MAN1C1: variants seen among roughly 807,000 people sequenced by gnomAD.
MAN1C1 encodes the protein mannosyl-oligosaccharide 1,2-alpha-mannosidase IC.
In MAN1C1, 49 loss-of-function variants were observed where a neutral mutation model predicts 71.5. The ratio of observed to expected loss-of-function variants is 0.69; its 90% CI spans 0.54 to 0.87. MAN1C1 has a LOEUF of 0.87. MAN1C1 is among the 40% of genes least tolerant of loss of function. The pLI is 0.00. For synonymous variants in MAN1C1, 352 were observed against 343.7 expected (o/e 1.02, Z -0.27); for missense variants, 743 against 835.0 (o/e 0.89, Z 1.36).
intron 2 of MAN1C1, among the ~76,000 whole-genome samples, chr1:25,690,494 T>C (rs1401160532): frequency 1.3e-5 from 2 of 152,212 alleles, no homozygotes; most frequent in Non-Finnish European, 2.9e-5. Context: ...GGTTTCACCA[T>C]GTTGGTCAGG....
At chr1:25,670,704 T>C (rs1420266767) in intron 1 of MAN1C1, among the ~76,000 whole-genome samples, 1 of 152,188 alleles carries the variant, frequency 6.6e-6, no homozygotes, top group East Asian at 1.9e-4. Context: ...GCTTTCTGAA[T>C]CAGCCAGACC....
At chr1:25,664,797 C>T (rs1213800536) in intron 1 of MAN1C1, among the ~76,000 whole-genome samples, 1 of 152,210 alleles carries the variant, frequency 6.6e-6, no homozygotes, top group African/African-American at 2.4e-5. Flanking sequence ...GGGGCTGTGA[C>T]TCAAGGCACT....
intron 6 of MAN1C1, chr1:25,761,646 C>T (rs1431776078): frequency 1.4e-4 from 9 of 65,474 alleles, no homozygotes; most frequent in African/African-American, 4.1e-4. Flanking sequence ...TTTTTTGAGA[C>T]GGAGTCTCTC....
chr1:25,679,980 C>T (rs866137704), intron 1 of MAN1C1, among the ~76,000 whole-genome samples: 78 of 123,290 alleles, frequency 6.3e-4, no homozygotes, highest in African/African-American at 1.9e-3. Flanking sequence ...TATATATATA[C>T]ACACACACAC....
At chr1:25,685,018 A>C (rs1464701425) in intron 1 of MAN1C1, among the ~76,000 whole-genome samples, 2 of 152,224 alleles carry the variant, frequency 1.3e-5, no homozygotes, top group Admixed American at 1.3e-4. Flanking sequence ...GATGCAAGCT[A>C]ACATTTGAGA....
intron 2 of MAN1C1, among the ~76,000 whole-genome samples, chr1:25,717,510 G>A (rs2046696891): frequency 2.0e-5 from 3 of 151,956 alleles, no homozygotes; most frequent in African/African-American, 4.8e-5. Context: ...GCAACAGAGT[G>A]AGACCCTGTT....
chr1:25,765,909 A>T (rs1174086555), intron 7 of MAN1C1, among the ~76,000 whole-genome samples: 2 of 152,250 alleles, frequency 1.3e-5, no homozygotes, highest in Non-Finnish European at 2.9e-5. Flanking sequence ...TGCCGAATCC[A>T]AAAGTACGGG....
At chr1:25,623,284 T>G (rs2982299) in intron 1 of MAN1C1, among the ~76,000 whole-genome samples, 65,959 of 152,044 alleles carry the variant, frequency 0.43, 18,550 homozygotes, top group African/African-American at 0.78. Flanking sequence ...ACGTTGGTTG[T>G]GTCTCTGCTT....
At chr1:25,644,195 A>G in intron 1 of MAN1C1, among the ~76,000 whole-genome samples, 1 of 152,066 alleles carries the variant, frequency 6.6e-6, no homozygotes, top group Admixed American at 6.6e-5. Flanking sequence ...AAAGAATGGC[A>G]TTTCAGGAGA....
intron 1 of MAN1C1, among the ~76,000 whole-genome samples, chr1:25,656,724 G>C (rs888983152): frequency 3.9e-5 from 6 of 152,158 alleles, no homozygotes; most frequent in African/African-American, 1.2e-4. Context: ...GTTGGGTCCT[G>C]CCCAAGCTGG....
chr1:25,620,502 G>A (rs2045191087), intron 1 of MAN1C1, among the ~76,000 whole-genome samples: 3 of 152,148 alleles, frequency 2.0e-5, no homozygotes, highest in Admixed American at 1.3e-4. Context: ...CCCACCCCAG[G>A]AAGAACGCAT....
chr1:25,718,989 C>T (rs760058056), intron 2 of MAN1C1, among the ~76,000 whole-genome samples: 2 of 151,282 alleles, frequency 1.3e-5, no homozygotes, highest in Non-Finnish European at 2.9e-5. Context: ...AAAGAGGCTG[C>T]ACCATTTTAC....
At chr1:25,685,428 T>C (rs1375859457) in intron 1 of MAN1C1, among the ~76,000 whole-genome samples, 1 of 152,148 alleles carries the variant, frequency 6.6e-6, no homozygotes, top group East Asian at 1.9e-4. Context: ...AACTCTGCTG[T>C]GTTGTGCTCC....
At chr1:25,755,930 T>C (rs2047280217) in intron 5 of MAN1C1, among the ~76,000 whole-genome samples, 1 of 152,200 alleles carries the variant, frequency 6.6e-6, no homozygotes, top group African/African-American at 2.4e-5. Context: ...CCTCCTGGTC[T>C]CTGGGATGCT....
At chr1:25,676,159 G>C (rs1411167285) in intron 1 of MAN1C1, among the ~76,000 whole-genome samples, 1 of 152,212 alleles carries the variant, frequency 6.6e-6, no homozygotes, top group Non-Finnish European at 1.5e-5. Flanking sequence ...CTGCAGACAG[G>C]ATGCGATTCC....
At position 25,616,981 on chromosome 1, in the gene MAN1C1, A is replaced by T. The variant is rs2045107143; in HGVS notation, c.-817A>T. On this transcript the variant is annotated 5_prime_UTR_variant, in exon 1 of 12. Transcript: ENST00000374332. The surrounding 1 kb of genome is among the most constrained non-coding windows in gnomAD (Gnocchi z 5.6). ...GAGCCGGCGGGGCCGGGAACAGGTG[A>T]TCCCAGTGGGAGCCCCGCGCCCTGC... is the stretch of plus-strand genomic sequence containing the variant. Among the ~76,000 whole-genome samples the T allele has an allele frequency of 6.6e-6, 1 of 150,872 alleles. No homozygotes were observed.
chr1:25,627,666 AT>A (rs1048357182), intron 1 of MAN1C1, among the ~76,000 whole-genome samples: 1 of 152,110 alleles, frequency 6.6e-6, no homozygotes, highest in African/African-American at 2.4e-5. Context: ...CTTTTTCAAA[AT>A]TGCTTTGGCC....
At position 25,631,179 on chromosome 1, in the gene MAN1C1, G is replaced by C. The variant is rs1247043154; in HGVS notation, c.540+12842G>C. On this transcript the variant is annotated intron_variant, in intron 1 of 11. Coordinates refer to ENST00000374332, the MANE Select transcript of MAN1C1 (RefSeq NM_020379.4). The surrounding 1 kb of genome is among the most constrained non-coding windows in gnomAD (Gnocchi z 4.2). ...GACGGGGTTTTGCCATGTTGCCCAG[G>C]CTGGTCTCAAACTCCTGAGCTTAGG... is the stretch of plus-strand genomic sequence containing the variant. Among the ~76,000 whole-genome samples the C allele has an allele frequency of 6.6e-6, 1 of 152,062 alleles. No homozygotes were observed. The highest frequency in any genetic ancestry group is 1.5e-5 in the Non-Finnish European group (1 of 68,022).
intron 2 of MAN1C1, among the ~76,000 whole-genome samples, chr1:25,687,354 C>G (rs1401846874): frequency 6.6e-6 from 1 of 152,154 alleles, no homozygotes; most frequent in Non-Finnish European, 1.5e-5. Flanking sequence ...TGCAGGGTGC[C>G]TTCTTGTGGG....
Sources: allele counts gnomAD v4.1 joint callset (sites outside exome capture counted in the v4.1 genomes callset), GRCh38; gene constraint gnomAD v4.1.1; non-coding constraint Gnocchi (gnomAD v3.1); transcripts MANE v1.5; gene names NCBI Gene and HGNC (gene_info 2026-07-23, HGNC 2026-07-21).